The following KCNH7 variants were observed in gnomAD, a reference collection of about 807,000 sequenced individuals.
KCNH7 encodes the protein potassium voltage-gated channel subfamily H member 7.
Under a neutral mutation model 120.8 loss-of-function variants are expected in KCNH7, and 49 were observed. That is an observed-to-expected ratio of 0.41 (90% CI 0.32 to 0.51). The LOEUF is 0.51. Among genes scored for constraint, KCNH7 ranks in the 20% least tolerant of loss-of-function variants. KCNH7 has a pLI of 0.38. For missense variants in KCNH7, 1,097 were observed against 1,446.6 expected, an observed-to-expected ratio of 0.76 and a Z score of 3.92; for synonymous variants, 547 against 516.1, an observed-to-expected ratio of 1.06 and a Z score of -0.81.
intron 7 of KCNH7, among the ~76,000 whole-genome samples, chr2:162,444,616 C>G (rs1688524940): frequency 6.6e-6 from 1 of 152,060 alleles, no homozygotes; most frequent in Non-Finnish European, 1.5e-5. Flanking sequence ...ACAACTTCTC[C>G]CATTATACTT....
rs1228827129 is a variant in KCNH7, at chr2:162,595,376, T to G, written c.308-58296A>C. Among the ~76,000 whole-genome samples, 3 of 152,084 alleles carry G rather than the reference T, an allele frequency of 2.0e-5. No individual in the cohort carries two copies. The East Asian group carries it at 5.8e-4, about 30-fold the overall frequency. On this transcript the variant is annotated intron_variant, in intron 2 of 15. Transcript: ENST00000332142. Reference sequence around the variant, plus strand: ...TCCCACCATTGACAAGTGAGGATTATGGGGATTACAGTTCAATATGAGATT... The same window carrying G: ...TCCCACCATTGACAAGTGAGGATTAGGGGGATTACAGTTCAATATGAGATT...
chr2:162,689,730 T>C (rs1381086768), intron 2 of KCNH7, among the ~76,000 whole-genome samples: 2 of 152,178 alleles, frequency 1.3e-5, no homozygotes, highest in African/African-American at 4.8e-5. Context: ...GAACTTTGCA[T>C]ATCGTAGATA....
chr2:162,462,521 A>AAG (rs1488598169), intron 6 of KCNH7, among the ~76,000 whole-genome samples: 1 of 144,336 alleles, frequency 6.9e-6, no homozygotes, highest in Non-Finnish European at 1.5e-5. Context: ...GAGTGAGAGC[A>AAG]AGAGAGAGAG....
chr2:162,463,087 C>T (rs570524674), intron 6 of KCNH7, among the ~76,000 whole-genome samples: 38 of 151,888 alleles, frequency 2.5e-4, no homozygotes, highest in African/African-American at 8.0e-4. Context: ...CTGTAAAACC[C>T]GACTCTAACC....
At chr2:162,593,951 G>A (rs146891681) in intron 2 of KCNH7, among the ~76,000 whole-genome samples, 1 of 151,970 alleles carries the variant, frequency 6.6e-6, no homozygotes, top group Non-Finnish European at 1.5e-5. Context: ...CTGTCTTGCA[G>A]TTGACTGGCT....
chr2:162,815,498 G>C (rs1364132165), intron 2 of KCNH7, among the ~76,000 whole-genome samples: 2 of 152,112 alleles, frequency 1.3e-5, no homozygotes, highest in African/African-American at 4.8e-5. Context: ...TTTTAGATGT[G>C]ATTTTGAATT....
At chr2:162,827,914 A>G (rs944979140) in intron 2 of KCNH7, among the ~76,000 whole-genome samples, 4 of 152,164 alleles carry the variant, frequency 2.6e-5, no homozygotes, top group African/African-American at 7.2e-5. Context: ...TTGGAACTCA[A>G]TGTTAGACCT....
intron 2 of KCNH7, among the ~76,000 whole-genome samples, chr2:162,663,890 G>A (rs1308069039): frequency 1.3e-5 from 2 of 152,150 alleles, no homozygotes; most frequent in African/African-American, 4.8e-5. Flanking sequence ...CCAGGAATTT[G>A]TTAAGAATCA....
chr2:162,659,867 C>T (rs965305053), intron 2 of KCNH7, among the ~76,000 whole-genome samples: 3 of 152,030 alleles, frequency 2.0e-5, no homozygotes, highest in African/African-American at 7.2e-5. Context: ...GTTATAATTT[C>T]TTCCTTAAAT....
intron 2 of KCNH7, among the ~76,000 whole-genome samples, chr2:162,577,968 AG>A (rs1390654106): frequency 6.6e-6 from 1 of 152,048 alleles, no homozygotes; most frequent in East Asian, 1.9e-4. Context: ...AAGGAGATTA[AG>A]TTACCTGCCC....
rs971653698 is a variant in KCNH7, at chr2:162,423,625, T to C, written c.1955-90A>G. 20 of 1,176,400 alleles carry C rather than the reference T, an allele frequency of 1.7e-5. No individual in the cohort carries two copies. In the East Asian group the frequency reaches 4.8e-4, roughly 28 times the overall value. The allele number at this position is 1,176,400 out of a possible 1,614,324, so 72.9% of individuals were successfully genotyped here. ...GTATCAAGCATGTGGATTTTGATTA[T>C]CTCAATCTAGTGGGGATTTACCATT... On this transcript the variant is annotated intron_variant, in intron 8 of 15. Coordinates refer to ENST00000332142, the MANE Select transcript of KCNH7 (RefSeq NM_033272.4).
intron 2 of KCNH7, among the ~76,000 whole-genome samples, chr2:162,702,558 A>G (rs1686550027): frequency 6.6e-6 from 1 of 152,206 alleles, no homozygotes; most frequent in Admixed American, 6.5e-5. Context: ...CCCATGATAT[A>G]TTGTCTGTCA....
At chr2:162,715,861 G>C (rs1559096684) in intron 2 of KCNH7, among the ~76,000 whole-genome samples, 2 of 151,840 alleles carry the variant, frequency 1.3e-5, no homozygotes, top group South Asian at 4.1e-4. Context: ...AATTAATTTT[G>C]ATTAAAATTA....
intron 11 of KCNH7, among the ~76,000 whole-genome samples, chr2:162,395,488 C>A (rs1039995031): frequency 6.6e-6 from 1 of 151,588 alleles, no homozygotes; most frequent in Non-Finnish European, 1.5e-5. Context: ...ATATTGTCTA[C>A]CTTGTAAATA....
intron 2 of KCNH7, among the ~76,000 whole-genome samples, chr2:162,611,914 A>C (rs752744532): frequency 6.6e-6 from 1 of 152,164 alleles, no homozygotes; most frequent in South Asian, 2.1e-4. Context: ...GAGTTGTCTT[A>C]ATTTATGGAT....
intron 2 of KCNH7, among the ~76,000 whole-genome samples, chr2:162,748,927 T>TTTCCTTTCCTTCC (rs1553520252): frequency 8.3e-4 from 23 of 27,862 alleles, no homozygotes; most frequent in East Asian, 7.5e-3. Context: ...TTCCCTTTCC[T>TTTCCTTTCCTTCC]TTCCTTCCTT....
chr2:162,587,586 C>T (rs1694059968), intron 2 of KCNH7, among the ~76,000 whole-genome samples: 1 of 152,040 alleles, frequency 6.6e-6, no homozygotes, highest in African/African-American at 2.4e-5. Flanking sequence ...GTTACACACA[C>T]ACACGCAAGC....
intron 2 of KCNH7, among the ~76,000 whole-genome samples, chr2:162,606,291 A>G (rs1202752815): frequency 6.6e-6 from 1 of 152,126 alleles, no homozygotes; most frequent in Non-Finnish European, 1.5e-5. Context: ...AGTGAAAGAA[A>G]ACTGTGACAA....
At chr2:162,834,530 C>T (rs1477136809) in intron 2 of KCNH7, among the ~76,000 whole-genome samples, 2 of 151,930 alleles carry the variant, frequency 1.3e-5, no homozygotes, top group African/African-American at 4.8e-5. Flanking sequence ...CCCAAACAAT[C>T]CTCTAAATCA....
Sources: gnomAD v4.1 joint callset for allele counts (sites outside exome capture counted in the v4.1 genomes callset) on GRCh38, gnomAD v4.1.1 for gene constraint, MANE v1.5 for transcripts, NCBI Gene and HGNC (gene_info 2026-07-23, HGNC 2026-07-21) for gene names.